EBP: variants seen among roughly 807,000 people sequenced by gnomAD.
EBP encodes 3-beta-hydroxysteroid-Delta(8),Delta(7)-isomerase.
Under a neutral mutation model 14.1 loss-of-function variants are expected in EBP, and 1 was observed. That is an observed-to-expected ratio of 0.07 (90% CI 0.03 to 0.34). The LOEUF is 0.34. Ranked by LOEUF, EBP falls within the 10% of genes least tolerant of loss-of-function variation. The probability of loss-of-function intolerance (pLI) is 0.99; values close to 1 mark genes in which losing one functional copy is unlikely to be tolerated. For missense variants in EBP, 123 were observed against 184.6 expected (o/e 0.67, Z 1.93); for synonymous variants, 72 against 77.7 (o/e 0.93, Z 0.38).
In EBP at chrX:48,528,437, G is replaced by C; in HGVS notation, c.673G>C (p.Ala225Pro). 1 of 1,169,029 alleles carries C rather than the reference G, an allele frequency of 8.6e-7. No individual in the cohort carries two copies. The highest frequency in any genetic ancestry group is 1.8e-5 in the African/African-American group (1 of 56,428). ...CACGCTGGATGCCAAGGCCACAAAAGCCAAGAGCAAGAAGAACTGAGGAGT... is the reference window on the plus strand; with the variant it reads ...CACGCTGGATGCCAAGGCCACAAAACCCAAGAGCAAGAAGAACTGAGGAGT... Reference protein sequence around the residue: ...QSTLDAKATKAKSKKN With the variant: ...QSTLDAKATKPKSKKN The change falls in exon 5 of 5, where the codon GCC becomes CCC. Residue 225 changes from alanine (A) to proline (P), a missense_variant. By Grantham distance (27) the Ala-to-Pro change is conservative. Transcript: ENST00000495186.
At chrX:48,522,854 G>A (rs1189602133) in intron 1 of EBP, among the ~76,000 whole-genome samples, 2 of 110,445 alleles carry the variant, frequency 1.8e-5, no homozygotes, top group Non-Finnish European at 3.8e-5. Flanking sequence ...TGTATTTTTA[G>A]TAGAGACGGG....
At chrX:48,527,578 C>T in intron 4 of EBP, 1 of 372,757 alleles carries the variant, frequency 2.7e-6, no homozygotes, top group Non-Finnish European at 4.7e-6. Flanking sequence ...CCTCCAGGAT[C>T]AGGGCTCTGA....
chrX:48,524,220 C>T (rs2061772661), intron 2 of EBP, 148 bp downstream of exon 2: 1 of 597,403 alleles, frequency 1.7e-6, no homozygotes, highest in Non-Finnish European at 2.5e-6. Flanking sequence ...AGGCCGGGCA[C>T]AGTGGCTCAC....
chrX:48,526,044 G>A (rs1015430149), intron 2 of EBP, among the ~76,000 whole-genome samples: 26 of 95,435 alleles, frequency 2.7e-4, no homozygotes, highest in South Asian at 5.2e-4. Context: ...CTGAGATTGC[G>A]CCACTGCACA....
rs1556977104 is a variant in EBP, at chrX:48,524,011, G to A, written c.240G>A (p.Glu80=). Residue 80 remains glutamate (E), a synonymous_variant, in exon 2 of 5, where the codon GAG becomes GAA. Transcript: ENST00000495186. The part of the protein sequence containing the change: ...AVCGFIHLVI[E]GWFVLYYEDL... ...GTGGGTTCATTCACCTGGTGATCGA[G>A]GGCTGGTTCGTTCTCTACTACGAAG... 8 of 1,211,232 alleles carry A rather than the reference G, an allele frequency of 6.6e-6. No individual in the cohort carries two copies. Among genetic ancestry groups the A allele is most frequent in the South Asian group, 5.3e-5 (3 of 56,951 alleles).
chrX:48,522,445 T>C (rs1447713510), intron 1 of EBP, among the ~76,000 whole-genome samples: 1 of 111,388 alleles, frequency 9.0e-6, no homozygotes, highest in Non-Finnish European at 1.9e-5. Context: ...GTGAGCAGTT[T>C]GTGACCCTTG....
chrX:48,523,638 A>G (rs370239311), intron 1 of EBP, 61 bp from the exon 2 acceptor site: 47 of 686,426 alleles, frequency 6.8e-5, no homozygotes, highest in South Asian at 4.2e-4. Flanking sequence ...TACATTTCTC[A>G]TGATAATAAA....
In EBP at chrX:48,527,031, T is replaced by C. The variant is rs782368244; in HGVS notation, c.338+6T>C. ...GGAGACAGCCGATACATCCTGTAAG[T>C]GTTTGCCTCTGTCAATGGAGACTGG... is the stretch of plus-strand genomic sequence containing the variant. On this transcript the variant is annotated splice_donor_region_variant and intron_variant, in intron 3 of 4. Coordinates refer to ENST00000495186, the MANE Select transcript of EBP (RefSeq NM_006579.3). The C allele has an allele frequency of 5.8e-6, 7 of 1,211,443 alleles. No homozygotes were observed. In the East Asian group the frequency reaches 1.8e-4, roughly 31 times the overall value.
Position 48,525,113 on chromosome X carries a change from G to A in EBP, c.301+1041G>A, listed in dbSNP as rs1277976879. Among the ~76,000 whole-genome samples the A allele has an allele frequency of 3.6e-5, 4 of 112,297 alleles. No individual in the cohort carries two copies. The South Asian group carries it at 1.5e-3, about 42-fold the overall frequency. ...TCCCCAAACGCTGTTAGGCACTGTT[G>A]ATAGTTGTTTATGTTTCTTTTCAGT... is the stretch of plus-strand genomic sequence containing the variant. On this transcript the variant is annotated intron_variant, in intron 2 of 4. Coordinates refer to ENST00000495186, the MANE Select transcript of EBP (RefSeq NM_006579.3).
Position 48,528,454 on chromosome X carries a change from C to T in EBP, c.690C>T (p.Asn230=), listed in dbSNP as rs1556977790. ...CCACAAAAGCCAAGAGCAAGAAGAA[C>T]TGAGGAGTGGTGGACCAGGCTCGAA... ...AKATKAKSKK[N] Residue 230 remains asparagine, a synonymous_variant, in exon 5 of 5, where the codon AAC becomes AAT. Transcript: ENST00000495186. The T allele has an allele frequency of 8.6e-7, 1 of 1,165,551 alleles. No homozygotes were observed. Among genetic ancestry groups the T allele is most frequent in the Admixed American group, 2.6e-5 (1 of 38,774 alleles).
rs1224172254 is a variant in EBP at position 48,521,871 on chromosome X, G to A, written c.-110G>A. Reference sequence around the variant, plus strand: ...CGAGACCCAGCCTAAAGAGAGCCCGGAGCCAGCGTGGGAGGCCGCTGCCGT... The same window carrying A: ...CGAGACCCAGCCTAAAGAGAGCCCGAAGCCAGCGTGGGAGGCCGCTGCCGT... On this transcript the variant is annotated 5_prime_UTR_variant, in exon 1 of 5. Coordinates refer to ENST00000495186, the MANE Select transcript of EBP (RefSeq NM_006579.3). 1 of 113,784 alleles carries A rather than the reference G, an allele frequency of 8.8e-6. No homozygotes were observed. Among genetic ancestry groups the A allele is most frequent in the African/African-American group, 3.2e-5 (1 of 31,228 alleles). The allele number at this position is 113,784 out of a possible 1,213,427, so 9.4% of individuals were successfully genotyped here.
chrX:48,525,222 C>A (rs1457043882), intron 2 of EBP, among the ~76,000 whole-genome samples: 24 of 112,423 alleles, frequency 2.1e-4, no homozygotes, highest in African/African-American at 7.8e-4. Flanking sequence ...ATACTTAGAA[C>A]AGTGTTTGGC....
At chrX:48,527,908 A>G (rs1371948150) in intron 4 of EBP, among the ~76,000 whole-genome samples, 1 of 112,096 alleles carries the variant, frequency 8.9e-6, no homozygotes, top group East Asian at 2.8e-4. Flanking sequence ...GCCCGGCCTC[A>G]GTCATCTTGT....
intron 3 of EBP, 31 bp from the exon 4 acceptor site, chrX:48,527,124 T>G: frequency 8.3e-7 from 1 of 1,212,023 alleles, no homozygotes; most frequent in Non-Finnish European, 1.1e-6. Flanking sequence ...AGCACACCGA[T>G]ACCAGTGTCC....
At chrX:48,525,948 G>A (rs538245230) in intron 2 of EBP, among the ~76,000 whole-genome samples, 2 of 108,630 alleles carry the variant, frequency 1.8e-5, no homozygotes, top group South Asian at 4.0e-4. Context: ...TTAGCTGGGC[G>A]TGGTGGCAGG....
chrX:48,525,397 C>T (rs1276965013), intron 2 of EBP, among the ~76,000 whole-genome samples: 4 of 111,080 alleles, frequency 3.6e-5, no homozygotes, highest in Non-Finnish European at 7.6e-5. Context: ...GACGGGGTCT[C>T]GCTCTGTCAC....
At chrX:48,523,619 C>T in intron 1 of EBP, 80 bp from the exon 2 acceptor site, 2 of 537,493 alleles carry the variant, frequency 3.7e-6, no homozygotes, top group Non-Finnish European at 2.9e-6. Flanking sequence ...CTGGTAAATT[C>T]GGTCCATTTA....
At chrX:48,524,648 GTTATTA>G (rs1377490136) in intron 2 of EBP, 1 of 109,101 alleles carries the variant, frequency 9.2e-6, no homozygotes, top group African/African-American at 3.3e-5. Context: ...ATTATGTATT[GTTATTA>G]TTATTCTTTT....
Position 48,523,783 on chromosome X carries a change from C to T in EBP, c.12C>T (p.Asn4=), listed in dbSNP as rs782557793. ...CAGCCCACAAAGACATGACTACCAA[C>T]GCGGGCCCCTTGCACCCATACTGGC... is the stretch of plus-strand genomic sequence containing the variant. The part of the protein sequence containing the change: MTT[N]AGPLHPYWPQ... Residue 4 remains asparagine, a synonymous_variant, in exon 2 of 5, where the codon AAC becomes AAT. Transcript: ENST00000495186. 27 of 1,197,324 alleles carry T rather than the reference C, an allele frequency of 2.3e-5. No individual in the cohort carries two copies. The South Asian group carries it at 2.7e-4, about 12-fold the overall frequency.
Sources: allele counts gnomAD v4.1 joint callset (sites outside exome capture counted in the v4.1 genomes callset), GRCh38; gene constraint gnomAD v4.1.1; transcripts MANE v1.5; gene names NCBI Gene and HGNC (gene_info 2026-07-23, HGNC 2026-07-21).